NFATC1: variants seen among roughly 807,000 people sequenced by gnomAD.
The protein encoded by NFATC1 is nuclear factor of activated T cells 1.
NFATC1 carries 22 observed loss-of-function variants against 76.0 expected under a neutral mutation model. The observed-to-expected ratio is 0.29, with a 90% CI of 0.21 to 0.41. The LOEUF (loss-of-function observed/expected upper bound fraction) is 0.41. Among genes scored for constraint, NFATC1 ranks in the 10% least tolerant of loss-of-function variants. The probability of loss-of-function intolerance (pLI) is 1.00; values close to 1 mark genes in which losing one functional copy is unlikely to be tolerated. For missense variants in NFATC1, 1,357 were observed against 1,337.7 expected (o/e 1.01, Z -0.23); for synonymous variants, 704 against 613.1 (o/e 1.15, Z -2.19).
intron 9 of NFATC1, among the ~76,000 whole-genome samples, chr18:79,489,897 C>T (rs1025822629): frequency 1.3e-5 from 2 of 152,326 alleles, no homozygotes; most frequent in Non-Finnish European, 2.9e-5. Context: ...TAGGCGGTGC[C>T]GCTTCGGGGG....
In NFATC1 at chr18:79,466,180, T is replaced by C. The variant is rs573368988; in HGVS notation, c.1960-1270T>C. Among the ~76,000 whole-genome samples, 118 of 152,320 alleles carry C rather than the reference T, an allele frequency of 7.7e-4. 1 individual carries two copies. Among genetic ancestry groups the C allele is most frequent in the African/African-American group, 2.7e-3 (113 of 41,550 alleles). ...AAATGAAAGAGCCTGGACCTCAAGT[T>C]GTCTTCAGTTTTCTGTCTTTAACAC... On this transcript the variant is annotated intron_variant, in intron 7 of 9. Coordinates refer to ENST00000427363, the MANE Select transcript of NFATC1 (RefSeq NM_001278669.2).
rs1476305160 is a variant in NFATC1 at position 79,457,730 on chromosome 18, G to A, written c.1904-3581G>A. On this transcript the variant is annotated intron_variant, in intron 6 of 9. Coordinates refer to ENST00000427363, the MANE Select transcript of NFATC1 (RefSeq NM_001278669.2). The stretch of plus-strand genomic sequence containing the variant: ...CCCCTGCTCTCCCTTCCCCCACCCC[G>A]GCTCCGACAACCCCAATGCCCCCTC... Among the ~76,000 whole-genome samples the A allele has an allele frequency of 5.9e-5, 9 of 152,008 alleles. No individual in the cohort carries two copies. The South Asian group carries it at 1.5e-3, about 25-fold the overall frequency.
intron 1 of NFATC1, among the ~76,000 whole-genome samples, chr18:79,405,686 T>C (rs1202883901): frequency 6.6e-6 from 1 of 152,242 alleles, no homozygotes; most frequent in Non-Finnish European, 1.5e-5. Flanking sequence ...GGGATCCTAA[T>C]GAAATTCAAG....
At chr18:79,446,388 CT>C (rs1263381762) in intron 3 of NFATC1, among the ~76,000 whole-genome samples, 2 of 152,186 alleles carry the variant, frequency 1.3e-5, no homozygotes, top group African/African-American at 2.4e-5. Context: ...CCCGGTGCCC[CT>C]CCCCCACCCC....
chr18:79,498,635 A>G (rs537948506), intron 9 of NFATC1, among the ~76,000 whole-genome samples: 1 of 152,246 alleles, frequency 6.6e-6, no homozygotes, highest in African/African-American at 2.4e-5. Context: ...CAAACTTCCT[A>G]AATTTGATGG....
At chr18:79,486,990 G>A in intron 9 of NFATC1, 53 bp downstream of exon 9, 1 of 1,524,068 alleles carries the variant, frequency 6.6e-7, no homozygotes, top group Non-Finnish European at 8.9e-7. Flanking sequence ...CATGGCGTGA[G>A]CTCATGGAGG....
intron 9 of NFATC1, among the ~76,000 whole-genome samples, chr18:79,513,296 A>G (rs2581727): frequency 0.99 from 150,918 of 152,270 alleles, 74,798 homozygotes; most frequent in East Asian, 1. Flanking sequence ...TTCCCGTGGC[A>G]GAGGGCACCT....
chr18:79,470,322 C>T (rs1445552405), intron 8 of NFATC1: 2 of 152,282 alleles, frequency 1.3e-5, no homozygotes, highest in Non-Finnish European at 2.9e-5. Flanking sequence ...ATCATGGGGT[C>T]GTTAGCAGTC....
chr18:79,487,028 C>T (rs2089524215), intron 9 of NFATC1, 91 bp downstream of exon 9: 16 of 1,397,446 alleles, frequency 1.1e-5, no homozygotes, highest in East Asian at 2.4e-5. Flanking sequence ...GTGTGTGGCA[C>T]GTGTGGAAGT....
At chr18:79,449,006 G>C in intron 4 of NFATC1, 22 bp downstream of exon 4, 2 of 1,610,288 alleles carry the variant, frequency 1.2e-6, no homozygotes, top group South Asian at 2.2e-5. Flanking sequence ...GGGACCTCCG[G>C]CCTCTGGCAG....
chr18:79,409,269 C>A (rs866433101), intron 1 of NFATC1, among the ~76,000 whole-genome samples: 10 of 137,946 alleles, frequency 7.2e-5, no homozygotes, highest in Middle Eastern at 3.8e-3. Context: ...ATCCATCCAT[C>A]TATCATCCAT....
intron 3 of NFATC1, among the ~76,000 whole-genome samples, chr18:79,439,004 C>T (rs117957761): frequency 0.016 from 2,374 of 152,296 alleles, 22 homozygotes; most frequent in Admixed American, 0.024. Context: ...AAATGCGCGT[C>T]GGGCCAGTGG....
chr18:79,425,623 G>C (rs1420214241), intron 2 of NFATC1, among the ~76,000 whole-genome samples: 4 of 152,358 alleles, frequency 2.6e-5, no homozygotes, highest in African/African-American at 9.6e-5. Context: ...CTGGGCTTCT[G>C]CTGCCGAGGG....
At chr18:79,512,817 C>T (rs1387311179) in intron 9 of NFATC1, among the ~76,000 whole-genome samples, 5 of 152,192 alleles carry the variant, frequency 3.3e-5, no homozygotes, top group Non-Finnish European at 7.4e-5. Flanking sequence ...GTCCTGAGGG[C>T]GCCTTCTCCA....
At chr18:79,428,544 G>A (rs1379591485) in intron 2 of NFATC1, among the ~76,000 whole-genome samples, 9 of 152,244 alleles carry the variant, frequency 5.9e-5, no homozygotes, top group Non-Finnish European at 1.3e-4. Flanking sequence ...TTGTGTGGAT[G>A]TTTGCGTTGC....
At chr18:79,496,248 G>A (rs2089883625) in intron 9 of NFATC1, 1 of 152,634 alleles carries the variant, frequency 6.6e-6, no homozygotes, top group African/African-American at 2.4e-5. Flanking sequence ...ATTTCAAAGA[G>A]CTTCCTTATT....
In NFATC1 at chr18:79,467,852, C is replaced by T; in HGVS notation, c.2092+270C>T. 4 of 1,185,388 alleles carry T rather than the reference C, an allele frequency of 3.4e-6. No individual in the cohort carries two copies. In the South Asian group the frequency reaches 6.5e-5, roughly 19 times the overall value. The allele number at this position is 1,185,388 out of a possible 1,614,324, so 73.4% of individuals were successfully genotyped here. ...TATTTTGCTTCTTGCGAATGTATAA[C>T]AGCCAAGGGGAAAACATGGCTCTTC... On this transcript the variant is annotated intron_variant, in intron 8 of 9. Transcript: ENST00000427363.
intron 1 of NFATC1, among the ~76,000 whole-genome samples, chr18:79,407,371 G>A (rs981090539): frequency 5.3e-5 from 8 of 152,182 alleles, no homozygotes; most frequent in Non-Finnish European, 7.4e-5. Context: ...GGCTGGAATT[G>A]GCGTCAGGAT....
At chr18:79,427,645 A>T (rs1314025660) in intron 2 of NFATC1, among the ~76,000 whole-genome samples, 2 of 46,992 alleles carry the variant, frequency 4.3e-5, no homozygotes, top group Non-Finnish European at 3.7e-5. Flanking sequence ...TGTGCGGTGG[A>T]GGCTGGACGG....
Sources: gnomAD v4.1 joint callset for allele counts (sites outside exome capture counted in the v4.1 genomes callset) on GRCh38, gnomAD v4.1.1 for gene constraint, MANE v1.5 for transcripts, NCBI Gene and HGNC (gene_info 2026-07-23, HGNC 2026-07-21) for gene names.